Variants in TBC1D5 observed in about 807,000 individuals in gnomAD.
TBC1D5 encodes TBC1 domain family member 5, also known as TBC1 domain family, member 5.
In TBC1D5, 75 loss-of-function variants were observed where a neutral mutation model predicts 100.3. The ratio of observed to expected loss-of-function variants is 0.75; its 90% CI spans 0.62 to 0.91. TBC1D5 has a LOEUF of 0.91. Among genes scored for constraint, TBC1D5 ranks in the 40% least tolerant of loss-of-function variants. TBC1D5 has a pLI of 0.00. For missense variants in TBC1D5, 910 were observed against 942.4 expected (o/e 0.97, Z 0.45); for synonymous variants, 323 against 325.6 (o/e 0.99, Z 0.09).
At chr3:17,326,592 C>G (rs1270152860) in intron 13 of TBC1D5, among the ~76,000 whole-genome samples, 1 of 152,196 alleles carries the variant, frequency 6.6e-6, no homozygotes, top group Non-Finnish European at 1.5e-5. Flanking sequence ...CCTGCCTTAG[C>G]CTCCTGAGTA....
chr3:17,534,310 A>T (rs1277361836), intron 2 of TBC1D5, among the ~76,000 whole-genome samples: 1 of 152,194 alleles, frequency 6.6e-6, no homozygotes, highest in African/African-American at 2.4e-5. Context: ...CATTAATGGT[A>T]AACCAATCAG....
chr3:17,419,660 G>A lies in TBC1D5; in HGVS notation c.167+8790C>T, dbSNP rs73161405. 8.9e-3 allele frequency among the ~76,000 whole-genome samples: 1,356 copies of A among 151,822 alleles called. 27 individuals carry two copies. Among genetic ancestry groups the A allele is most frequent in the African/African-American group, 0.031 (1,275 of 41,404 alleles). On this transcript the variant is annotated intron_variant, in intron 4 of 21. Coordinates refer to ENST00000253692, the Ensembl canonical transcript of TBC1D5. ...ATCCCAACCATTTGGTCTTCCCCTC[G>A]TTCTGTTTTTTGTTTTGTTTTTATT...
intron 18 of TBC1D5, among the ~76,000 whole-genome samples, chr3:17,200,194 T>C: frequency 6.6e-6 from 1 of 152,244 alleles, no homozygotes; most frequent in Non-Finnish European, 1.5e-5. Flanking sequence ...TCCTGTCTAC[T>C]GACCAAAGTA....
intron 16 of TBC1D5, among the ~76,000 whole-genome samples, chr3:17,247,908 A>C (rs1414549544): frequency 6.6e-6 from 1 of 152,004 alleles, no homozygotes; most frequent in African/African-American, 2.4e-5. Context: ...AGACTGCAGC[A>C]ATTTGGCCAC....
intron 17 of TBC1D5, among the ~76,000 whole-genome samples, chr3:17,235,763 A>G (rs1435808977): frequency 1.3e-5 from 2 of 152,218 alleles, no homozygotes; most frequent in Admixed American, 1.3e-4. Flanking sequence ...ATGGATGAAT[A>G]GAGAAGAGCA....
chr3:17,496,123 CTTTT>C (rs920235512), intron 3 of TBC1D5, among the ~76,000 whole-genome samples: 1 of 152,096 alleles, frequency 6.6e-6, no homozygotes, highest in Middle Eastern at 3.2e-3. Flanking sequence ...TTCCTTCTTT[CTTTT>C]TTAAGGAGCC....
chr3:17,454,622 G>A (rs375578632), intron 3 of TBC1D5, among the ~76,000 whole-genome samples: 41 of 152,098 alleles, frequency 2.7e-4, no homozygotes, highest in African/African-American at 8.9e-4. Context: ...ACCATGCCTG[G>A]TTAATTTTTT....
Position 17,162,937 on chromosome 3 carries a change from C to T in TBC1D5, c.2095-1681G>A, listed in dbSNP as rs556538582. On this transcript the variant is annotated intron_variant, in intron 21 of 21. Transcript: ENST00000253692. ...AAAATCTTGACCTCTCACCACAACA[C>T]AGGGCTGGAATGCTACTTGGTGGAG... 1.1e-4 allele frequency among the ~76,000 whole-genome samples: 16 copies of T among 152,282 alleles called. No individual in the cohort carries two copies. The South Asian group carries it at 1.9e-3, about 18-fold the overall frequency.
At chr3:17,706,261 C>G in intron 1 of TBC1D5, 1 of 1,548,398 alleles carries the variant, frequency 6.5e-7, no homozygotes, top group Non-Finnish European at 8.7e-7. Flanking sequence ...TACTTCTTCA[C>G]ATACTCAGCT....
intron 2 of TBC1D5, among the ~76,000 whole-genome samples, chr3:17,512,714 T>C (rs529249850): frequency 6.6e-6 from 1 of 152,318 alleles, no homozygotes; most frequent in South Asian, 2.1e-4. Context: ...TTACTGTAAA[T>C]AACAATTTCT....
chr3:17,229,427 G>A (rs1370332126), intron 17 of TBC1D5, among the ~76,000 whole-genome samples: 4 of 152,132 alleles, frequency 2.6e-5, no homozygotes, highest in Admixed American at 2.0e-4. Context: ...AAAGTCAAAC[G>A]CTGTTGGATT....
At chr3:17,381,954 T>C (rs1164486935) in intron 9 of TBC1D5, among the ~76,000 whole-genome samples, 1 of 152,096 alleles carries the variant, frequency 6.6e-6, no homozygotes, top group East Asian at 1.9e-4. Flanking sequence ...ATCCCATATA[T>C]AACTGAACCT....
At chr3:17,364,453 A>G (rs1186730201) in intron 13 of TBC1D5, among the ~76,000 whole-genome samples, 1 of 152,216 alleles carries the variant, frequency 6.6e-6, no homozygotes. Context: ...ATTCAAGGCT[A>G]TTGTATGTCT....
At chr3:17,663,468 TAA>T (rs1003263527) in intron 1 of TBC1D5, among the ~76,000 whole-genome samples, 3 of 152,166 alleles carry the variant, frequency 2.0e-5, no homozygotes, top group African/African-American at 7.2e-5. Context: ...AATTATAAAA[TAA>T]ATATAAATGG....
At chr3:17,646,954 T>C (rs2065072258) in intron 1 of TBC1D5, 1 of 152,108 alleles carries the variant, frequency 6.6e-6, no homozygotes. Context: ...TGTCCATGCA[T>C]ACATACCCAC....
At chr3:17,476,309 A>G (rs2095437420) in intron 3 of TBC1D5, among the ~76,000 whole-genome samples, 1 of 151,922 alleles carries the variant, frequency 6.6e-6, no homozygotes, top group Non-Finnish European at 1.5e-5. Flanking sequence ...AGAATTTGGT[A>G]TTGTTAGTAA....
intron 18 of TBC1D5, among the ~76,000 whole-genome samples, chr3:17,207,906 A>G (rs571549216): frequency 6.6e-6 from 1 of 152,366 alleles, no homozygotes; most frequent in South Asian, 2.1e-4. Context: ...GAACCACTTT[A>G]AAAGATAAAC....
chr3:17,283,312 T>C lies in TBC1D5; in HGVS notation c.1245+8583A>G, dbSNP rs143420501. Among the ~76,000 whole-genome samples, 155 of 152,276 alleles carry C rather than the reference T, an allele frequency of 1.0e-3. 1 individual carries two copies. Among genetic ancestry groups the C allele is most frequent in the African/African-American group, 3.5e-3 (144 of 41,558 alleles). On this transcript the variant is annotated intron_variant, in intron 15 of 21. Coordinates refer to ENST00000253692, the Ensembl canonical transcript of TBC1D5. ...AACGCAGCAGGGTGAACTTCTCTCATAGAGCAGACACTGGGTTAGTGCTGT... is the reference window on the plus strand; with the variant it reads ...AACGCAGCAGGGTGAACTTCTCTCACAGAGCAGACACTGGGTTAGTGCTGT...
chr3:17,677,372 T>C (rs1162062593), intron 1 of TBC1D5, among the ~76,000 whole-genome samples: 1 of 152,188 alleles, frequency 6.6e-6, no homozygotes, highest in Admixed American at 6.5e-5. Flanking sequence ...AGAAGACATT[T>C]ATGCAGCCAA....
Sources: gnomAD v4.1 joint callset for allele counts (sites outside exome capture counted in the v4.1 genomes callset) on GRCh38, gnomAD v4.1.1 for gene constraint, MANE v1.5 for transcripts, NCBI Gene and HGNC (gene_info 2026-07-23, HGNC 2026-07-21) for gene names.